The following ABTB2 variants were observed in gnomAD, a reference collection of about 807,000 sequenced individuals.
The protein encoded by ABTB2 is ankyrin repeat and BTB/POZ domain-containing protein 2.
Under a neutral mutation model 104.1 loss-of-function variants are expected in ABTB2, and 56 were observed. The observed-to-expected ratio is 0.54, with a 90% CI of 0.43 to 0.67. The LOEUF (loss-of-function observed/expected upper bound fraction) is 0.67. Ranked by LOEUF, ABTB2 falls within the 30% of genes least tolerant of loss-of-function variation. The pLI is 0.00. For missense variants in ABTB2, 1,279 were observed against 1,407.7 expected, an observed-to-expected ratio of 0.91 and a Z score of 1.46; for synonymous variants, 606 against 608.2, an observed-to-expected ratio of 1.00 and a Z score of 0.05.
intron 1 of ABTB2, among the ~76,000 whole-genome samples, chr11:34,212,510 A>G (rs1326905325): frequency 6.6e-6 from 1 of 152,182 alleles, no homozygotes; most frequent in Non-Finnish European, 1.5e-5. Flanking sequence ...TTTGCCAGCG[A>G]GGGACACTGA....
intron 1 of ABTB2, among the ~76,000 whole-genome samples, chr11:34,229,343 T>C (rs1590223478): frequency 6.6e-6 from 1 of 150,458 alleles, no homozygotes; most frequent in African/African-American, 2.4e-5. Flanking sequence ...TAGCCAGGTG[T>C]GGTGGCGGGC....
At position 34,224,082 on chromosome 11, in the gene ABTB2, G is replaced by A. The variant is rs1342142846; in HGVS notation, c.884-19392C>T. ...GGGTCTTGCTCTGTTGCCCAGGCTG[G>A]AATGCTTTGGCACAATCTGCTCACT... On this transcript the variant is annotated intron_variant, in intron 1 of 16. Coordinates refer to ENST00000435224, the MANE Select transcript of ABTB2 (RefSeq NM_145804.3). Among the ~76,000 whole-genome samples the A allele has an allele frequency of 2.0e-5, 3 of 152,144 alleles. No individual in the cohort carries two copies. In the East Asian group the frequency reaches 5.8e-4, roughly 29 times the overall value.
Position 34,154,521 on chromosome 11 carries a change from C to T in ABTB2, c.2767-143G>A. The T allele has an allele frequency of 1.2e-6, 1 of 854,970 alleles. No individual in the cohort carries two copies. Among genetic ancestry groups the T allele is most frequent in the African/African-American group, 1.7e-5 (1 of 59,842 alleles). 53.0% of individuals were successfully genotyped at this position (854,970 alleles called of 1,614,324 possible). A position where few individuals can be genotyped will look rare whatever the true frequency, so the allele number is the denominator to read the frequency against. On this transcript the variant is annotated intron_variant, in intron 15 of 16. Coordinates refer to ENST00000435224, the MANE Select transcript of ABTB2 (RefSeq NM_145804.3). This position sits in a 1 kb window ranked among gnomAD's most constrained non-coding sequence, Gnocchi z 4.9. ...TACCTTCTGATACTCCTGGGCCTAA[C>T]CATCCCCGCTGGGACACGCACTGAG...
intron 1 of ABTB2, among the ~76,000 whole-genome samples, chr11:34,246,478 G>A (rs1268888271): frequency 1.3e-5 from 2 of 151,816 alleles, no homozygotes; most frequent in East Asian, 3.9e-4. Context: ...GTGCATGCCT[G>A]TAATCCCAGC....
chr11:34,177,968 T>C (rs1852977175), intron 3 of ABTB2, among the ~76,000 whole-genome samples: 2 of 152,136 alleles, frequency 1.3e-5, no homozygotes, highest in Non-Finnish European at 2.9e-5. Context: ...GCTCCCCTAA[T>C]GGGCGAGTTC....
At chr11:34,337,905 A>G (rs1377674004) in intron 1 of ABTB2, among the ~76,000 whole-genome samples, 1 of 152,020 alleles carries the variant, frequency 6.6e-6, no homozygotes, top group Non-Finnish European at 1.5e-5. Flanking sequence ...CATGATCTCC[A>G]TCTTACCACC....
At chr11:34,171,117 C>T (rs757628323) in intron 4 of ABTB2, 46 bp from the exon 5 acceptor site, 2 of 1,588,118 alleles carry the variant, frequency 1.3e-6, no homozygotes, top group Non-Finnish European at 8.6e-7. Context: ...ATGCAGACAG[C>T]AACTTTCAAT....
intron 1 of ABTB2, among the ~76,000 whole-genome samples, chr11:34,351,177 C>T (rs1855394219): frequency 6.6e-6 from 1 of 152,140 alleles, no homozygotes; most frequent in African/African-American, 2.4e-5. Flanking sequence ...GGATGCCAAC[C>T]CAGGAATGTC....
intron 1 of ABTB2, among the ~76,000 whole-genome samples, chr11:34,228,423 T>A (rs1213427857): frequency 6.6e-6 from 1 of 151,464 alleles, no homozygotes; most frequent in East Asian, 1.9e-4. Flanking sequence ...TGGAGTGCAG[T>A]GGTGTAGTCT....
intron 1 of ABTB2, among the ~76,000 whole-genome samples, chr11:34,294,012 A>G (rs112643126): frequency 0.038 from 5,823 of 152,326 alleles, 133 homozygotes; most frequent in Non-Finnish European, 0.059. Context: ...GTCTTGCAAC[A>G]TTCTATACAT....
chr11:34,341,800 A>T (rs1406600048), intron 1 of ABTB2, among the ~76,000 whole-genome samples: 1 of 152,044 alleles, frequency 6.6e-6, no homozygotes, highest in Non-Finnish European at 1.5e-5. Flanking sequence ...AATAAAACAA[A>T]TTTTTCTTAC....
At chr11:34,208,149 A>G (rs1430572847) in intron 1 of ABTB2, among the ~76,000 whole-genome samples, 1 of 152,196 alleles carries the variant, frequency 6.6e-6, no homozygotes, top group East Asian at 1.9e-4. Context: ...TTTTCTTTAC[A>G]TTCTCTTAAC....
intron 3 of ABTB2, among the ~76,000 whole-genome samples, chr11:34,188,047 C>T (rs1853124901): frequency 6.6e-6 from 1 of 152,214 alleles, no homozygotes; most frequent in Non-Finnish European, 1.5e-5. Context: ...TTCTCTGCCA[C>T]ATCCTTAACA....
At chr11:34,293,858 G>T (rs1854591027) in intron 1 of ABTB2, among the ~76,000 whole-genome samples, 1 of 152,046 alleles carries the variant, frequency 6.6e-6, no homozygotes, top group Non-Finnish European at 1.5e-5. Context: ...CCAAGTAGCT[G>T]GGACTACAGG....
chr11:34,238,009 T>C (rs1182899608), intron 1 of ABTB2, among the ~76,000 whole-genome samples: 1 of 152,236 alleles, frequency 6.6e-6, no homozygotes, highest in Non-Finnish European at 1.5e-5. Context: ...ATTGTATGCA[T>C]GTATCAAAAT....
At chr11:34,254,290 C>T (rs966936125) in intron 1 of ABTB2, among the ~76,000 whole-genome samples, 1 of 152,068 alleles carries the variant, frequency 6.6e-6, no homozygotes, top group Non-Finnish European at 1.5e-5. Flanking sequence ...CTTTATCACT[C>T]AGGCTGGAGT....
intron 1 of ABTB2, among the ~76,000 whole-genome samples, chr11:34,210,050 G>C (rs1853462617): frequency 6.6e-6 from 1 of 152,074 alleles, no homozygotes; most frequent in Non-Finnish European, 1.5e-5. Context: ...TGCCAACCGG[G>C]ACGTGAGCTG....
rs185281022 is a variant in ABTB2 at position 34,156,333 on chromosome 11, A to G, written c.2698-1564T>C. On this transcript the variant is annotated intron_variant, in intron 14 of 16. Transcript: ENST00000435224. Reference sequence around the variant, plus strand: ...AGCCTGGCAGTCCCTAGCAGGATACAGGTCATGTGCCTCCTGGAGCCAGGC... The same window carrying G: ...AGCCTGGCAGTCCCTAGCAGGATACGGGTCATGTGCCTCCTGGAGCCAGGC... Among the ~76,000 whole-genome samples, 4 of 152,268 alleles carry G rather than the reference A, an allele frequency of 2.6e-5. No homozygotes were observed. In the East Asian group the frequency reaches 7.7e-4, roughly 29 times the overall value.
chr11:34,167,280 A>T lies in ABTB2; in HGVS notation c.1734T>A (p.His578Gln). 6.2e-7 allele frequency: 1 copy of T among 1,612,590 alleles called. No homozygotes were observed. Among genetic ancestry groups the T allele is most frequent in the Non-Finnish European group, 8.5e-7 (1 of 1,179,320 alleles). ...TCACCTGGACCACAGAGATGTGTCC[A>T]TGCAGCACAGCGAATGTCAGTGAGG... is the stretch of plus-strand genomic sequence containing the variant. ...HWTSLTFAVL[H>Q]GHISVVQLLL... The change falls in exon 7 of 17, where the codon CAT becomes CAA. Residue 578 changes from histidine (H) to glutamine (Q), a missense_variant. His to Gln is a conservative substitution (Grantham distance 24). Coordinates refer to ENST00000435224, the MANE Select transcript of ABTB2 (RefSeq NM_145804.3).
Sources: allele counts gnomAD v4.1 joint callset (sites outside exome capture counted in the v4.1 genomes callset), GRCh38; gene constraint gnomAD v4.1.1; non-coding constraint Gnocchi (gnomAD v3.1); transcripts MANE v1.5; gene names NCBI Gene and HGNC (gene_info 2026-07-23, HGNC 2026-07-21).